LRRC37A: variants seen among roughly 807,000 people sequenced by gnomAD.
LRRC37A encodes the protein leucine rich repeat containing 37A.
A neutral mutation model predicts 35.4 loss-of-function variants in LRRC37A; 3 were observed. The observed-to-expected ratio is 0.08, with a 90% confidence interval of 0.04 to 0.22. The LOEUF (loss-of-function observed/expected upper bound fraction) is 0.22, where lower values mean the gene tolerates loss of function less well. LRRC37A is among the 10% of genes least tolerant of loss of function. LRRC37A has a pLI of 1.00. For synonymous variants in LRRC37A, 23 were observed against 215.0 expected (o/e 0.11, Z 7.81); for missense variants, 67 against 565.3 (o/e 0.12, Z 8.94).
At chr17:46,262,676 C>G in the LRRC37A span, among the ~76,000 whole-genome samples, 2 of 151,820 alleles carry the variant, frequency 1.3e-5, no homozygotes, top group Admixed American at 1.3e-4. Flanking sequence ...ATCCCAGCTA[C>G]TTGGGAGGCT....
At chr17:46,260,110 T>G in the LRRC37A span, 11 of 1,556,326 alleles carry the variant, frequency 7.1e-6, no homozygotes, top group African/African-American at 1.5e-4. Flanking sequence ...CAGCCGCGCC[T>G]CCTGCAGGCC....
the LRRC37A span, among the ~76,000 whole-genome samples, chr17:46,280,122 C>T: frequency 6.6e-6 from 1 of 152,234 alleles, no homozygotes; most frequent in Admixed American, 6.5e-5. Context: ...TCTGTAATCC[C>T]AGCACTTTGG....
the LRRC37A span, among the ~76,000 whole-genome samples, chr17:46,277,742 G>A: frequency 6.6e-6 from 1 of 151,900 alleles, no homozygotes; most frequent in African/African-American, 2.4e-5. Context: ...CTCCTCCTGG[G>A]TTCAAATGAT....
chr17:46,265,401 CCTT>C, the LRRC37A span, among the ~76,000 whole-genome samples: 1 of 150,914 alleles, frequency 6.6e-6, no homozygotes, highest in East Asian at 2.0e-4. Flanking sequence ...TTCTCCTCCT[CCTT>C]CCTCCTCCTC....
chr17:46,258,402 G>A, the LRRC37A span, among the ~76,000 whole-genome samples: 10 of 152,120 alleles, frequency 6.6e-5, no homozygotes, highest in Non-Finnish European at 5.9e-5. Flanking sequence ...ATAGAGATGG[G>A]GTTTTACCAT....
At chr17:46,329,319 C>A (rs369048224) in intron 8 of LRRC37A, among the ~76,000 whole-genome samples, 1 of 5,126 alleles carries the variant, frequency 2.0e-4, no homozygotes, top group African/African-American at 2.7e-4. Flanking sequence ...TTTTTTTTTA[C>A]CAATTATGTT....
the LRRC37A span, among the ~76,000 whole-genome samples, chr17:46,284,566 CTTTCTT>C: frequency 6.6e-6 from 1 of 152,248 alleles, no homozygotes; most frequent in African/African-American, 2.4e-5. Flanking sequence ...TCTGATCTCT[CTTTCTT>C]TTCCCCACAG....
At chr17:46,253,395 G>T in the LRRC37A span, among the ~76,000 whole-genome samples, 1 of 152,184 alleles carries the variant, frequency 6.6e-6, no homozygotes, top group Non-Finnish European at 1.5e-5. Flanking sequence ...GGCCAAGGCA[G>T]GCGGCTGGGA....
chr17:46,253,087 C>T, the LRRC37A span, among the ~76,000 whole-genome samples: 1 of 145,474 alleles, frequency 6.9e-6, no homozygotes, highest in African/African-American at 2.5e-5. Flanking sequence ...GGTTGCCGGG[C>T]GGAGGGTCTC....
chr17:46,258,749 T>C, the LRRC37A span, among the ~76,000 whole-genome samples: 4,351 of 118,728 alleles, frequency 0.037, 1 homozygote, highest in Middle Eastern at 0.1. Context: ...GAGTCTCACT[T>C]GGTCACCCAG....
chr17:46,279,340 T>C, the LRRC37A span, among the ~76,000 whole-genome samples: 2 of 151,810 alleles, frequency 1.3e-5, no homozygotes, highest in Non-Finnish European at 2.9e-5. Context: ...CCTACCACAA[T>C]GCCTGGCTAA....
the LRRC37A span, among the ~76,000 whole-genome samples, chr17:46,259,019 ATTTTTTTTTTTTTTTTTTTT>A: frequency 7.4e-3 from 592 of 79,478 alleles, 8 homozygotes; most frequent in African/African-American, 0.035. Context: ...CACCCGGCCT[ATTTTTTTTTTTTTTTTTTTT>A]TTTTTTTTTT....
chr17:46,264,109 G>A, the LRRC37A span, among the ~76,000 whole-genome samples: 2 of 150,488 alleles, frequency 1.3e-5, no homozygotes, highest in African/African-American at 4.9e-5. Flanking sequence ...AGTCATTCTG[G>A]ATAATTCAAA....
At chr17:46,249,373 G>T in the LRRC37A span, among the ~76,000 whole-genome samples, 1 of 152,116 alleles carries the variant, frequency 6.6e-6, no homozygotes, top group African/African-American at 2.4e-5. Context: ...CTCCACTGCC[G>T]CCTGACACAC....
the LRRC37A span, among the ~76,000 whole-genome samples, chr17:46,273,678 T>C: frequency 1.3e-5 from 2 of 152,378 alleles, no homozygotes; most frequent in South Asian, 4.1e-4. Context: ...GCAGATTTTA[T>C]AGAAGCTATT....
At chr17:46,249,798 T>C in the LRRC37A span, among the ~76,000 whole-genome samples, 1 of 152,144 alleles carries the variant, frequency 6.6e-6, no homozygotes, top group East Asian at 1.9e-4. Context: ...GTCACTGCAG[T>C]CAGCGCCTCT....
chr17:46,273,324 AATGTTTTC>A, the LRRC37A span, among the ~76,000 whole-genome samples: 1 of 152,244 alleles, frequency 6.6e-6, no homozygotes, highest in Non-Finnish European at 1.5e-5. Context: ...TTTAAGCAAA[AATGTTTTC>A]ATGTTTTCAT....
the LRRC37A span, among the ~76,000 whole-genome samples, chr17:46,285,791 GATTGGAAACTTGAAATCCTAAC>G: frequency 3.3e-5 from 5 of 152,208 alleles, no homozygotes; most frequent in Admixed American, 1.3e-4. Context: ...ATCACTCTAA[GATTGGAAACTTGAAATCCTAAC>G]ATTGGAAACT....
At chr17:46,271,332 A>ATTTTTTTT in the LRRC37A span, among the ~76,000 whole-genome samples, 22 of 125,642 alleles carry the variant, frequency 1.8e-4, no homozygotes, top group East Asian at 5.3e-4. Flanking sequence ...TACCTAGCTA[A>ATTTTTTTT]TTTTTTTTTT....
Sources: gnomAD v4.1 joint callset for allele counts (sites outside exome capture counted in the v4.1 genomes callset) on GRCh38, gnomAD v4.1.1 for gene constraint, MANE v1.5 for transcripts, NCBI Gene and HGNC (gene_info 2026-07-23, HGNC 2026-07-21) for gene names.